Variants in IQCB1 observed in about 807,000 individuals in gnomAD.
The protein encoded by IQCB1 is IQ calmodulin-binding motif-containing protein 1.
In IQCB1, 56 loss-of-function variants were observed where a neutral mutation model predicts 84.4. That is an observed-to-expected ratio of 0.66 (90% CI 0.54 to 0.83). IQCB1 has a LOEUF of 0.83. Among genes scored for constraint, IQCB1 ranks in the 40% least tolerant of loss-of-function variants. The pLI, the probability that IQCB1 is intolerant of heterozygous loss-of-function variation, is 0.00. For missense variants in IQCB1, 629 were observed against 682.1 expected, an observed-to-expected ratio of 0.92 and a Z score of 0.87; for synonymous variants, 210 against 234.8, an observed-to-expected ratio of 0.89 and a Z score of 0.96.
At chr3:121,824,382 A>C (rs1293561925) in intron 5 of IQCB1, among the ~76,000 whole-genome samples, 1 of 152,190 alleles carries the variant, frequency 6.6e-6, no homozygotes, top group Non-Finnish European at 1.5e-5. Context: ...CATGCCGTTT[A>C]AAATTTAATT....
intron 12 of IQCB1, among the ~76,000 whole-genome samples, chr3:121,782,125 A>G (rs1306258218): frequency 6.6e-6 from 1 of 152,210 alleles, no homozygotes; most frequent in African/African-American, 2.4e-5. Context: ...AAAAAAAAGC[A>G]ATAGATTCTA....
chr3:121,835,047 G>C lies in IQCB1; in HGVS notation c.-183C>G, dbSNP rs1330896432. On this transcript the variant is annotated 5_prime_UTR_variant, in exon 1 of 15. Transcript: ENST00000310864. The stretch of plus-strand genomic sequence containing the variant: ...CAGCGCCGCGGCCTTCCGGGGCAGC[G>C]TGCGTCGCGACGCGGGAAGGGGCCT... 1 of 573,232 alleles carries C rather than the reference G, an allele frequency of 1.7e-6. No individual in the cohort carries two copies. The highest frequency in any genetic ancestry group is 3.0e-5 in the Admixed American group (1 of 32,900). 35.5% of individuals were successfully genotyped at this position (573,232 alleles called of 1,614,324 possible).
At chr3:121,785,017 C>T (rs1948650889) in intron 12 of IQCB1, among the ~76,000 whole-genome samples, 1 of 152,140 alleles carries the variant, frequency 6.6e-6, no homozygotes, top group Non-Finnish European at 1.5e-5. Flanking sequence ...GTGCTTGCAT[C>T]CTTCTGTTGA....
At position 121,820,978 on chromosome 3, in the gene IQCB1, C is replaced by T. The variant is rs76820344; in HGVS notation, c.393+5073G>A. Among the ~76,000 whole-genome samples the T allele has an allele frequency of 5.1e-4, 43 of 84,806 alleles. 2 individuals carry two copies. The South Asian group carries it at 9.8e-3, about 19-fold the overall frequency. 55.6% of individuals were successfully genotyped at this position (84,806 alleles called of 152,430 possible). The stretch of plus-strand genomic sequence containing the variant: ...CAAGTTCAAACTTTTTCTGTTTTTT[C>T]CTTTTTTTTCTTTTTTTCTTTTTTT... On this transcript the variant is annotated intron_variant, in intron 5 of 14. Coordinates refer to ENST00000310864, the MANE Select transcript of IQCB1 (RefSeq NM_001023570.4).
chr3:121,777,499 A>G (rs1024470461), intron 13 of IQCB1, among the ~76,000 whole-genome samples: 1 of 152,210 alleles, frequency 6.6e-6, no homozygotes, highest in African/African-American at 2.4e-5. Flanking sequence ...TACCATTACA[A>G]TATTATGTGA....
intron 7 of IQCB1, among the ~76,000 whole-genome samples, chr3:121,800,642 T>C (rs2108574387): frequency 6.6e-6 from 1 of 152,048 alleles, no homozygotes; most frequent in Non-Finnish European, 1.5e-5. Flanking sequence ...GAAAGCCTTC[T>C]ACAGATATCC....
At chr3:121,808,598 A>T (rs1187662815) in intron 6 of IQCB1, among the ~76,000 whole-genome samples, 1 of 151,998 alleles carries the variant, frequency 6.6e-6, no homozygotes, top group African/African-American at 2.4e-5. Flanking sequence ...CACTGACTGT[A>T]ATCTTTTAAA....
At position 121,783,787 on chromosome 3, in the gene IQCB1, C is replaced by G. The variant is rs1048504605; in HGVS notation, c.1279-1913G>C. Among the ~76,000 whole-genome samples, 13 of 152,244 alleles carry G rather than the reference C, an allele frequency of 8.5e-5. 1 individual carries two copies. The highest frequency in any genetic ancestry group is 4.1e-4 in the South Asian group (2 of 4,822). On this transcript the variant is annotated intron_variant, in intron 12 of 14. Transcript: ENST00000310864. ...TACTTTTCATCTTTCCCTTGTGTTT[C>G]TTGGATTCCATGTTGCCTTCCTTCT...
chr3:121,781,500 T>G (rs991838591), intron 13 of IQCB1, among the ~76,000 whole-genome samples: 1 of 152,190 alleles, frequency 6.6e-6, no homozygotes, highest in African/African-American at 2.4e-5. Flanking sequence ...ATTGACATAG[T>G]ATGGGAAAAA....
chr3:121,815,756 G>C (rs1950026845), intron 5 of IQCB1, among the ~76,000 whole-genome samples: 1 of 119,432 alleles, frequency 8.4e-6, no homozygotes. Flanking sequence ...GGAAATAACA[G>C]AGGACACAAA....
chr3:121,776,932 C>T (rs866111971), intron 13 of IQCB1, among the ~76,000 whole-genome samples: 9 of 152,096 alleles, frequency 5.9e-5, no homozygotes, highest in Non-Finnish European at 1.2e-4. Context: ...TGATATTCTC[C>T]CAATCTGTGC....
At chr3:121,818,524 A>G (rs1315618201) in intron 5 of IQCB1, among the ~76,000 whole-genome samples, 1 of 152,230 alleles carries the variant, frequency 6.6e-6, no homozygotes, top group Non-Finnish European at 1.5e-5. Flanking sequence ...CCCAGCAGCT[A>G]GAAGTCAAGG....
Position 121,781,893 on chromosome 3 carries a change from A to C in IQCB1, c.1279-19T>G, listed in dbSNP as rs1353071068. The C allele has an allele frequency of 3.1e-6, 5 of 1,610,862 alleles. No individual in the cohort carries two copies. Among genetic ancestry groups the C allele is most frequent in the South Asian group, 1.1e-5 (1 of 90,960 alleles). ...TAAGCGCCTGGAAGAAAAAAAATTG[A>C]AGGTTTGTGATTTTTCTCCCCTAAC... On this transcript the variant is annotated intron_variant, in intron 12 of 14. Coordinates refer to ENST00000310864, the MANE Select transcript of IQCB1 (RefSeq NM_001023570.4).
At chr3:121,786,168 C>CAGAAA (rs1948707262) in intron 12 of IQCB1, among the ~76,000 whole-genome samples, 1 of 24,008 alleles carries the variant, frequency 4.2e-5, no homozygotes, top group African/African-American at 1.7e-4. Context: ...GAGATTCTGT[C>CAGAAA]TCAAAAGAAA....
Position 121,781,991 on chromosome 3 carries a change from T to A in IQCB1, c.1279-117A>T. On this transcript the variant is annotated intron_variant, in intron 12 of 14. Coordinates refer to ENST00000310864, the MANE Select transcript of IQCB1 (RefSeq NM_001023570.4). ...AATAATGATTAACTCTGAGTGTGTATAAGGAGGGGAATGGGACTGTGACAA... is the reference window on the plus strand; with the variant it reads ...AATAATGATTAACTCTGAGTGTGTAAAAGGAGGGGAATGGGACTGTGACAA... The A allele has an allele frequency of 2.9e-6, 3 of 1,038,156 alleles. No individual in the cohort carries two copies. The South Asian group carries it at 3.8e-5, about 13-fold the overall frequency. 64.3% of individuals were successfully genotyped at this position (1,038,156 alleles called of 1,614,324 possible).
At chr3:121,795,809 C>T (rs1949167984) in intron 9 of IQCB1, among the ~76,000 whole-genome samples, 1 of 152,108 alleles carries the variant, frequency 6.6e-6, no homozygotes, top group Admixed American at 6.6e-5. Flanking sequence ...ACTTCCATTT[C>T]CTTTTCAAAG....
Position 121,821,991 on chromosome 3 carries a change from C to T in IQCB1, c.393+4060G>A, listed in dbSNP as rs139364058. Among the ~76,000 whole-genome samples, 303 of 152,328 alleles carry T rather than the reference C, an allele frequency of 2.0e-3. 5 individuals carry two copies. The East Asian group carries it at 0.041, about 20-fold the overall frequency. On this transcript the variant is annotated intron_variant, in intron 5 of 14. Transcript: ENST00000310864. ...TTGAGTAGAACAAAAGATTGACCCT[C>T]TCCCACATAAAGGGAAATTCCTCTT...
At chr3:121,796,969 C>G in intron 9 of IQCB1, 149 bp downstream of exon 9, 1 of 640,076 alleles carries the variant, frequency 1.6e-6, no homozygotes, top group South Asian at 1.7e-5. Flanking sequence ...CTGCCTCAAC[C>G]TCCTGAGTAA....
At chr3:121,799,934 C>A (rs1378245921) in intron 7 of IQCB1, among the ~76,000 whole-genome samples, 3 of 151,668 alleles carry the variant, frequency 2.0e-5, no homozygotes, top group Non-Finnish European at 3.0e-5. Context: ...AGTGAGTATC[C>A]TTTTATTTAC....
Sources: gnomAD v4.1 joint callset for allele counts (sites outside exome capture counted in the v4.1 genomes callset) on GRCh38, gnomAD v4.1.1 for gene constraint, MANE v1.5 for transcripts, NCBI Gene and HGNC (gene_info 2026-07-23, HGNC 2026-07-21) for gene names.